The following AGAP1 variants were observed in gnomAD, a reference collection of about 807,000 sequenced individuals.
AGAP1 encodes ArfGAP with GTPase domain, ankyrin repeat and PH domain 1.
In AGAP1, 29 loss-of-function variants were observed where a neutral mutation model predicts 105.3. That is an observed-to-expected ratio of 0.28 (90% confidence interval 0.21 to 0.38). The LOEUF (loss-of-function observed/expected upper bound fraction) is 0.38, where lower values mean the gene tolerates loss of function less well. Ranked by LOEUF, AGAP1 falls within the 10% of genes least tolerant of loss-of-function variation. AGAP1 has a pLI of 1.00. For missense variants in AGAP1, 998 were observed against 1,165.1 expected (o/e 0.86, Z 2.09); for synonymous variants, 509 against 485.9 (o/e 1.05, Z -0.63).
chr2:235,613,316 G>A (rs1244265977), intron 1 of AGAP1, among the ~76,000 whole-genome samples: 1 of 152,172 alleles, frequency 6.6e-6, no homozygotes, highest in Non-Finnish European at 1.5e-5. Flanking sequence ...TTATTTACCT[G>A]AGATTTTTGA....
intron 6 of AGAP1, chr2:235,773,736 C>T: frequency 2.7e-6 from 1 of 364,068 alleles, no homozygotes; most frequent in Non-Finnish European, 5.4e-6. Context: ...ATGTCCTCTC[C>T]TATGGAAGTT....
chr2:235,494,661 G>A lies in AGAP1; in HGVS notation c.-26G>A. 1 of 1,139,924 alleles carries A rather than the reference G, an allele frequency of 8.8e-7. No individual in the cohort carries two copies. 70.6% of individuals were successfully genotyped at this position (1,139,924 alleles called of 1,614,324 possible). A position where few individuals can be genotyped will look rare whatever the true frequency, so the allele number is the denominator to read the frequency against. On this transcript the variant is annotated 5_prime_UTR_variant, in exon 1 of 18. Coordinates refer to ENST00000304032, the MANE Select transcript of AGAP1 (RefSeq NM_001037131.3). Reference sequence around the variant, plus strand: ...GCGGGGCGGCGGCGGCGGGGGGCGCGCGGCTCCGGGCGCGGCGCCTGCACC... The same window carrying A: ...GCGGGGCGGCGGCGGCGGGGGGCGCACGGCTCCGGGCGCGGCGCCTGCACC...
intron 12 of AGAP1, among the ~76,000 whole-genome samples, chr2:235,949,365 G>A (rs1338767806): frequency 6.6e-6 from 1 of 152,158 alleles, no homozygotes; most frequent in Non-Finnish European, 1.5e-5. Flanking sequence ...CTATGAAGTT[G>A]AATTGGTAAG....
At chr2:236,110,552 G>A in intron 16 of AGAP1, among the ~76,000 whole-genome samples, 1 of 152,122 alleles carries the variant, frequency 6.6e-6, no homozygotes, top group South Asian at 2.1e-4. Flanking sequence ...GATAAAGCCA[G>A]ACCCTGTCTC....
chr2:236,107,370 G>T (rs942990990), intron 16 of AGAP1, among the ~76,000 whole-genome samples: 5 of 152,298 alleles, frequency 3.3e-5, no homozygotes, highest in Non-Finnish European at 5.9e-5. Flanking sequence ...CTAGCCTCAC[G>T]CATCCTCCCT....
In AGAP1 at chr2:236,129,792, AAACC is replaced by A. The variant is rs1255103365; in HGVS notation, c.*5674_*5677del. On this transcript the variant is annotated 3_prime_UTR_variant, in exon 18 of 18. Coordinates refer to ENST00000304032, the MANE Select transcript of AGAP1 (RefSeq NM_001037131.3). The surrounding 1 kb of genome is among the most constrained non-coding windows in gnomAD (Gnocchi z 6.2). ...GGTGATTCTGGAAAGGGATTCTGGGAAACCAACAAGTCTTTTTTAAATCTTTGAG... is the reference window on the plus strand; with the variant it reads ...GGTGATTCTGGAAAGGGATTCTGGGAAACAAGTCTTTTTTAAATCTTTGAG... 1 of 152,220 alleles carries A rather than the reference AAACC, an allele frequency of 6.6e-6. No individual in the cohort carries two copies. Among genetic ancestry groups the A allele is most frequent in the Non-Finnish European group, 1.5e-5 (1 of 68,038 alleles). The allele number at this position is 152,220 out of a possible 1,614,324, so 9.4% of individuals were successfully genotyped here.
rs2055178587 is a variant in AGAP1, at chr2:235,983,410, C to T, written c.1645+14787C>T. Among the ~76,000 whole-genome samples the T allele has an allele frequency of 6.6e-6, 1 of 152,178 alleles. No individual in the cohort carries two copies. Among genetic ancestry groups the T allele is most frequent in the Non-Finnish European group, 1.5e-5 (1 of 68,016 alleles). ...GCCCCTTTTTCTCCTTTCCTTCTTT[C>T]TCTTCCATTCTCCTTTTTCCTGTAA... is the stretch of plus-strand genomic sequence containing the variant. On this transcript the variant is annotated intron_variant, in intron 13 of 17. Transcript: ENST00000304032. The surrounding 1 kb of genome is among the most constrained non-coding windows in gnomAD (Gnocchi z 4.5).
At position 235,600,813 on chromosome 2, in the gene AGAP1, C is replaced by G. The variant is rs997333321; in HGVS notation, c.163+105964C>G. Among the ~76,000 whole-genome samples the G allele has an allele frequency of 6.6e-6, 1 of 152,218 alleles. No homozygotes were observed. Among genetic ancestry groups the G allele is most frequent in the African/African-American group, 2.4e-5 (1 of 41,450 alleles). ...AGCCCGTTGACTCAAATGTTAATCT[C>G]CTTTGGCAGCGCCCTCACAGACACA... On this transcript the variant is annotated intron_variant, in intron 1 of 17. Transcript: ENST00000304032. This position sits in a 1 kb window ranked among gnomAD's most constrained non-coding sequence, Gnocchi z 4.8.
chr2:235,896,881 A>AT (rs1377586677), intron 10 of AGAP1, among the ~76,000 whole-genome samples: 4 of 152,158 alleles, frequency 2.6e-5, no homozygotes, highest in African/African-American at 4.8e-5. Context: ...ATCAAAGTCT[A>AT]TTTCTGTCTA....
At chr2:235,516,991 C>T (rs996831956) in intron 1 of AGAP1, among the ~76,000 whole-genome samples, 1 of 152,178 alleles carries the variant, frequency 6.6e-6, no homozygotes, top group East Asian at 1.9e-4. Context: ...ACGGGTGCCA[C>T]GTGGCTCTGG....
At chr2:235,683,931 A>G (rs1949237474) in intron 1 of AGAP1, among the ~76,000 whole-genome samples, 1 of 147,564 alleles carries the variant, frequency 6.8e-6, no homozygotes, top group African/African-American at 2.5e-5. Context: ...CCCACCTATG[A>G]GTGAGAACAC....
chr2:236,010,374 G>A lies in AGAP1; in HGVS notation c.1646-26187G>A, dbSNP rs552783854. On this transcript the variant is annotated intron_variant, in intron 13 of 17. Coordinates refer to ENST00000304032, the MANE Select transcript of AGAP1 (RefSeq NM_001037131.3). ...CGTGACTGTCTGTTAGTAATTACAA[G>A]GAGCTGAGTATATTATGCCAGGCCT... Among the ~76,000 whole-genome samples, 6 of 152,308 alleles carry A rather than the reference G, an allele frequency of 3.9e-5. No individual in the cohort carries two copies. The South Asian group carries it at 1.2e-3, about 32-fold the overall frequency.
chr2:235,864,421 G>GC lies in AGAP1; in HGVS notation c.1051-18921dup, dbSNP rs1296198480. On this transcript the variant is annotated intron_variant, in intron 9 of 17. Transcript: ENST00000304032. This position sits in a 1 kb window ranked among gnomAD's most constrained non-coding sequence, Gnocchi z 5.0. The stretch of plus-strand genomic sequence containing the variant: ...AGTCCATTTCCAGACCATGGTAAGT[G>GC]CCCGTTGGTTTTGTTTGCGGTTCTG... 3.3e-5 allele frequency among the ~76,000 whole-genome samples: 5 copies of GC among 152,212 alleles called. No individual in the cohort carries two copies. Among genetic ancestry groups the GC allele is most frequent in the Non-Finnish European group, 2.9e-5 (2 of 68,040 alleles).
Position 236,042,389 on chromosome 2 carries a change from G to A in AGAP1, c.1891+1548G>A, listed in dbSNP as rs1177379477. On this transcript the variant is annotated intron_variant, in intron 15 of 17. Transcript: ENST00000304032. This position sits in a 1 kb window ranked among gnomAD's most constrained non-coding sequence, Gnocchi z 5.6. ...GAAGGGGTTCTTCTCCAGGTATCTT[G>A]AGGTTCTTCTTTAAAGTACCTCCTT... Among the ~76,000 whole-genome samples the A allele has an allele frequency of 1.3e-5, 2 of 152,294 alleles. No individual in the cohort carries two copies. Among genetic ancestry groups the A allele is most frequent in the East Asian group, 3.9e-4 (2 of 5,180 alleles).
chr2:236,051,528 G>C lies in AGAP1; in HGVS notation c.2114+2247G>C. On this transcript the variant is annotated intron_variant, in intron 16 of 17. Coordinates refer to ENST00000304032, the MANE Select transcript of AGAP1 (RefSeq NM_001037131.3). This position sits in a 1 kb window ranked among gnomAD's most constrained non-coding sequence, Gnocchi z 5.9. Reference sequence around the variant, plus strand: ...GGAAGGCGGGCTGGAGGGTGGGAGTGGCCTCGGTGGATGCAGGCTCGGCCG... The same window carrying C: ...GGAAGGCGGGCTGGAGGGTGGGAGTCGCCTCGGTGGATGCAGGCTCGGCCG... 6.6e-6 allele frequency among the ~76,000 whole-genome samples: 1 copy of C among 152,170 alleles called. No homozygotes were observed. The highest frequency in any genetic ancestry group is 1.9e-4 in the East Asian group (1 of 5,170).
At chr2:235,498,748 G>A (rs1016553412) in intron 1 of AGAP1, among the ~76,000 whole-genome samples, 5 of 152,126 alleles carry the variant, frequency 3.3e-5, no homozygotes, top group Admixed American at 6.5e-5. Flanking sequence ...ACGCATCGCC[G>A]GGAAGGTTGG....
rs183129085 is a variant in AGAP1 at position 235,660,864 on chromosome 2, C to G, written c.164-48315C>G. On this transcript the variant is annotated intron_variant, in intron 1 of 17. Coordinates refer to ENST00000304032, the MANE Select transcript of AGAP1 (RefSeq NM_001037131.3). The surrounding 1 kb of genome is among the most constrained non-coding windows in gnomAD (Gnocchi z 5.3). ...GCAGAAATGAAAACCTGATGCAGAG[C>G]CTCAAGGTCACTTTCCCAAGGTCAC... Among the ~76,000 whole-genome samples the G allele has an allele frequency of 8.1e-4, 124 of 152,308 alleles. No individual in the cohort carries two copies. The highest frequency in any genetic ancestry group is 3.9e-3 in the South Asian group (19 of 4,824).
rs1949610620 is a variant in AGAP1 at position 235,689,059 on chromosome 2, TGA to T, written c.164-20119_164-20118del. The stretch of plus-strand genomic sequence containing the variant: ...TGTCCCATAAATCTATAAGATTGAT[TGA>T]TTGGTTATCTGTAGGAGACATCTAC... On this transcript the variant is annotated intron_variant, in intron 1 of 17. Transcript: ENST00000304032. This position sits in a 1 kb window ranked among gnomAD's most constrained non-coding sequence, Gnocchi z 4.2. Among the ~76,000 whole-genome samples, 1 of 152,188 alleles carries T rather than the reference TGA, an allele frequency of 6.6e-6. No homozygotes were observed. The highest frequency in any genetic ancestry group is 2.1e-4 in the South Asian group (1 of 4,822).
rs75303249 is a variant in AGAP1, at chr2:235,906,783, G to A, written c.1156-1955G>A. On this transcript the variant is annotated intron_variant, in intron 10 of 17. Transcript: ENST00000304032. The surrounding 1 kb of genome is among the most constrained non-coding windows in gnomAD (Gnocchi z 5.3). Reference sequence around the variant, plus strand: ...CTGAACTGGAATTGTGTACTTTGTGGCTTTTGTTGTGCCTTTTCTTCTATC... The same window carrying A: ...CTGAACTGGAATTGTGTACTTTGTGACTTTTGTTGTGCCTTTTCTTCTATC... Among the ~76,000 whole-genome samples the A allele has an allele frequency of 0.036, 5,486 of 150,320 alleles. 162 individuals carry two copies. The highest frequency in any genetic ancestry group is 0.054 in the Non-Finnish European group (3,699 of 68,010).
Sources: gnomAD v4.1 joint callset for allele counts (sites outside exome capture counted in the v4.1 genomes callset) on GRCh38, gnomAD v4.1.1 for gene constraint, Gnocchi (gnomAD v3.1) non-coding constraint, MANE v1.5 for transcripts, NCBI Gene and HGNC (gene_info 2026-07-23, HGNC 2026-07-21) for gene names.